Variants in EVC2 observed in about 807,000 individuals in gnomAD.
The protein encoded by EVC2 is EvC ciliary complex subunit 2, also known as limbin.
Under a neutral mutation model 149.3 loss-of-function variants are expected in EVC2, and 148 were observed. That is an observed-to-expected ratio of 0.99 (90% CI 0.87 to 1.14). The LOEUF is 1.14. Ranked by LOEUF, EVC2 falls within the 50% of genes most tolerant of loss-of-function variation. The pLI is 0.00. For missense variants in EVC2, 1,854 were observed against 1,627.3 expected, an observed-to-expected ratio of 1.14 and a Z score of -2.40; for synonymous variants, 776 against 649.9, an observed-to-expected ratio of 1.19 and a Z score of -2.95.
At chr4:5,604,715 C>G (rs1223740432) in intron 16 of EVC2, among the ~76,000 whole-genome samples, 1 of 152,106 alleles carries the variant, frequency 6.6e-6, no homozygotes, top group Non-Finnish European at 1.5e-5. Flanking sequence ...TCCCAACACA[C>G]AGAAATGATA....
At chr4:5,531,148 G>A in the EVC2 span, among the ~76,000 whole-genome samples, 19 of 152,086 alleles carry the variant, frequency 1.2e-4, no homozygotes, top group Admixed American at 4.6e-4. Context: ...AGGGAGTGGC[G>A]GCCTACATCA....
intron 21 of EVC2, among the ~76,000 whole-genome samples, chr4:5,564,933 A>G (rs1277375063): frequency 6.6e-6 from 1 of 152,248 alleles, no homozygotes; most frequent in Non-Finnish European, 1.5e-5. Flanking sequence ...GGAAGGCTCA[A>G]TGCAGCAAGA....
downstream of EVC2, among the ~76,000 whole-genome samples, chr4:5,539,653 T>G (rs138133208): frequency 3.8e-3 from 582 of 152,306 alleles, 4 homozygotes; most frequent in African/African-American, 0.013. Context: ...TGACTGATTT[T>G]CAACAAAGGC....
chr4:5,651,361 T>C (rs889925489), intron 9 of EVC2, among the ~76,000 whole-genome samples: 1 of 151,396 alleles, frequency 6.6e-6, no homozygotes, highest in African/African-American at 2.4e-5. Flanking sequence ...GATGGATGAA[T>C]AGATGAATGA....
At chr4:5,656,305 C>A (rs1718515993) in intron 9 of EVC2, among the ~76,000 whole-genome samples, 1 of 152,146 alleles carries the variant, frequency 6.6e-6, no homozygotes, top group Admixed American at 6.5e-5. Flanking sequence ...CACACCCCAT[C>A]GAGTCCTCTA....
intron 21 of EVC2, among the ~76,000 whole-genome samples, chr4:5,556,356 A>C (rs1196430256): frequency 6.6e-6 from 1 of 152,114 alleles, no homozygotes; most frequent in African/African-American, 2.4e-5. Flanking sequence ...GGGACAATGA[A>C]GTCTCAAGAG....
the EVC2 span, among the ~76,000 whole-genome samples, chr4:5,535,787 T>C: frequency 1.3e-5 from 2 of 152,082 alleles, no homozygotes; most frequent in Admixed American, 6.5e-5. The surrounding 1 kb of genome is among the most constrained non-coding windows in gnomAD (Gnocchi z 4.7). Context: ...CATATAAATT[T>C]TGGGGGAGAG....
chr4:5,626,005 G>C (rs1577175582), intron 12 of EVC2, 97 bp from the exon 13 acceptor site: 1 of 1,466,374 alleles, frequency 6.8e-7, no homozygotes, highest in Admixed American at 1.7e-5. Flanking sequence ...TATTAGTTTG[G>C]TTTGAATCAG....
At chr4:5,620,335 T>A (rs926060663) in intron 14 of EVC2, among the ~76,000 whole-genome samples, 4 of 152,178 alleles carry the variant, frequency 2.6e-5, no homozygotes, top group African/African-American at 7.2e-5. Context: ...ACTCTTGTCT[T>A]AATCCTCTGT....
Position 5,640,504 on chromosome 4 carries a change from C to T in EVC2, c.1470+10G>A, listed in dbSNP as rs1198809289. 1 of 1,614,062 alleles carries T rather than the reference C, an allele frequency of 6.2e-7. No individual in the cohort carries two copies. Among genetic ancestry groups the T allele is most frequent in the Admixed American group, 1.7e-5 (1 of 60,020 alleles). ...GGGAAGTGAACGCCTTCCTTTCAGA[C>T]CTGTCTTACCCTCTCACCAGCACGT... On this transcript the variant is annotated intron_variant, in intron 10 of 21. Transcript: ENST00000344408. This position sits in a 1 kb window ranked among gnomAD's most constrained non-coding sequence, Gnocchi z 4.6.
At chr4:5,616,429 G>A (rs909108975) in intron 15 of EVC2, among the ~76,000 whole-genome samples, 6 of 108,778 alleles carry the variant, frequency 5.5e-5, no homozygotes, top group African/African-American at 2.0e-4. Context: ...GAGGTCAAAC[G>A]TAGACACTAC....
Position 5,562,649 on chromosome 4 carries a change from G to A in EVC2, c.*199C>T. Reference sequence around the variant, plus strand: ...AGGAGTGTTTATGTCCTTGTGATATGGAAGAGAGTGGGCCATCTGGAAATT... The same window carrying A: ...AGGAGTGTTTATGTCCTTGTGATATAGAAGAGAGTGGGCCATCTGGAAATT... On this transcript the variant is annotated 3_prime_UTR_variant, in exon 22 of 22. Coordinates refer to ENST00000344408, the MANE Select transcript of EVC2 (RefSeq NM_147127.5). This position sits in a 1 kb window ranked among gnomAD's most constrained non-coding sequence, Gnocchi z 4.3. 1 of 1,448,298 alleles carries A rather than the reference G, an allele frequency of 6.9e-7. No individual in the cohort carries two copies. The highest frequency in any genetic ancestry group is 9.0e-7 in the Non-Finnish European group (1 of 1,106,926). The allele number at this position is 1,448,298 out of a possible 1,614,324, so 89.7% of individuals were successfully genotyped here. A position where few individuals can be genotyped will look rare whatever the true frequency, so the allele number is the denominator to read the frequency against.
At chr4:5,554,149 AG>A (rs1428594632) in intron 21 of EVC2, among the ~76,000 whole-genome samples, 1 of 152,222 alleles carries the variant, frequency 6.6e-6, no homozygotes, top group African/African-American at 2.4e-5. Context: ...TCATAGGACA[AG>A]GAAAAAGTTG....
In EVC2 at chr4:5,618,474, C is replaced by T; in HGVS notation, c.2706+4G>A. 6.2e-7 allele frequency: 1 copy of T among 1,612,644 alleles called. No individual in the cohort carries two copies. The highest frequency in any genetic ancestry group is 8.5e-7 in the Non-Finnish European group (1 of 1,180,018). Reference sequence around the variant, plus strand: ...GTAATCGGCCACTGACAGGTCCATCCTACCTGCAGCTCAGGGGCAGCCACG... The same window carrying T: ...GTAATCGGCCACTGACAGGTCCATCTTACCTGCAGCTCAGGGGCAGCCACG... On this transcript the variant is annotated splice_donor_region_variant and intron_variant, in intron 15 of 21. Coordinates refer to ENST00000344408, the MANE Select transcript of EVC2 (RefSeq NM_147127.5). This position sits in a 1 kb window ranked among gnomAD's most constrained non-coding sequence, Gnocchi z 4.4.
intron 21 of EVC2, among the ~76,000 whole-genome samples, chr4:5,552,063 C>G (rs1338129827): frequency 6.6e-6 from 1 of 152,108 alleles, no homozygotes; most frequent in East Asian, 1.9e-4. Flanking sequence ...CCCCTCATTC[C>G]TTTTTCCAGA....
In EVC2 at chr4:5,622,655, C is replaced by G; in HGVS notation, c.2383G>C (p.Glu795Gln). ...AARAEQLEGE[E>Q]RDRDQEGVQS... ...ACACCCTCCTGGTCCCTGTCCCTCT[C>G]CTCCCCCTCCAGCTGCTCGGCCCGT... is the stretch of plus-strand genomic sequence containing the variant. Residue 795 changes from glutamate (E) to glutamine (Q), a missense_variant, in exon 14 of 22, where the codon GAG (glutamate) becomes CAG (glutamine). Glu to Gln is a conservative substitution (Grantham distance 29). Transcript: ENST00000344408. This position sits in a 1 kb window ranked among gnomAD's most constrained non-coding sequence, Gnocchi z 5.8. 4 of 1,614,122 alleles carry G rather than the reference C, an allele frequency of 2.5e-6. No homozygotes were observed. Among genetic ancestry groups the G allele is most frequent in the Non-Finnish European group, 3.4e-6 (4 of 1,180,024 alleles).
the EVC2 span, among the ~76,000 whole-genome samples, chr4:5,537,752 G>A: frequency 9.9e-5 from 15 of 152,022 alleles, no homozygotes; most frequent in African/African-American, 1.4e-4. Context: ...AACTCAGTCC[G>A]GAACTGACAT....
Position 5,618,112 on chromosome 4 carries a change from T to A in EVC2, c.2706+366A>T, listed in dbSNP as rs1163179653. 6.6e-6 allele frequency among the ~76,000 whole-genome samples: 1 copy of A among 152,148 alleles called. No individual in the cohort carries two copies. Among genetic ancestry groups the A allele is most frequent in the Non-Finnish European group, 1.5e-5 (1 of 68,036 alleles). On this transcript the variant is annotated intron_variant, in intron 15 of 21. Coordinates refer to ENST00000344408, the MANE Select transcript of EVC2 (RefSeq NM_147127.5). This position sits in a 1 kb window ranked among gnomAD's most constrained non-coding sequence, Gnocchi z 4.4. ...CTCTATGCCATATAGAAAGGCCTTTTGTACCCAGAGTCAGTCATTAGCTGT... is the reference window on the plus strand; with the variant it reads ...CTCTATGCCATATAGAAAGGCCTTTAGTACCCAGAGTCAGTCATTAGCTGT...
Position 5,640,177 on chromosome 4 carries a change from A to G in EVC2, c.1470+337T>C, listed in dbSNP as rs1269337061. Among the ~76,000 whole-genome samples, 1 of 151,960 alleles carries G rather than the reference A, an allele frequency of 6.6e-6. No individual in the cohort carries two copies. Among genetic ancestry groups the G allele is most frequent in the East Asian group, 1.9e-4 (1 of 5,168 alleles). ...GGGTGGCATGGATGGGAGGGTGGAT[A>G]AATGAGTAGGTGGATGAACAGACAG... is the stretch of plus-strand genomic sequence containing the variant. On this transcript the variant is annotated intron_variant, in intron 10 of 21. Transcript: ENST00000344408. This position sits in a 1 kb window ranked among gnomAD's most constrained non-coding sequence, Gnocchi z 4.6.
Sources: gnomAD v4.1 joint callset for allele counts (sites outside exome capture counted in the v4.1 genomes callset) on GRCh38, gnomAD v4.1.1 for gene constraint, Gnocchi (gnomAD v3.1) non-coding constraint, MANE v1.5 for transcripts, NCBI Gene and HGNC (gene_info 2026-07-23, HGNC 2026-07-21) for gene names.